PLPP3: variants seen among roughly 807,000 people sequenced by gnomAD.
The protein encoded by PLPP3 is PAP2 beta.
Under a neutral mutation model 29.6 loss-of-function variants are expected in PLPP3, and 6 were observed. The observed-to-expected ratio is 0.20, with a 90% CI of 0.11 to 0.40. The LOEUF is 0.40. PLPP3 is among the 10% of genes least tolerant of loss of function. The pLI is 1.00. For synonymous variants in PLPP3, 152 were observed against 159.7 expected (o/e 0.95, Z 0.36); for missense variants, 308 against 407.7 (o/e 0.76, Z 2.11).
chr1:56,533,886 A>G (rs1438483077), intron 2 of PLPP3, among the ~76,000 whole-genome samples: 1 of 151,914 alleles, frequency 6.6e-6, no homozygotes, highest in Non-Finnish European at 1.5e-5. Context: ...CCTAAGTTTG[A>G]CTTTTTCTCT....
At chr1:56,516,292 T>C (rs1645780175) in intron 4 of PLPP3, among the ~76,000 whole-genome samples, 1 of 152,136 alleles carries the variant, frequency 6.6e-6, no homozygotes, top group African/African-American at 2.4e-5. Context: ...TGGGCCTCAC[T>C]AGGATCAGTG....
intron 1 of PLPP3, among the ~76,000 whole-genome samples, chr1:56,562,460 A>G (rs1378277277): frequency 6.6e-6 from 1 of 152,198 alleles, no homozygotes; most frequent in Non-Finnish European, 1.5e-5. Flanking sequence ...ATGTGCCTAA[A>G]ATGCAGTCGA....
At chr1:56,530,709 C>A (rs975067334) in intron 2 of PLPP3, among the ~76,000 whole-genome samples, 1 of 152,212 alleles carries the variant, frequency 6.6e-6, no homozygotes, top group Admixed American at 6.5e-5. Context: ...TTAAAATACT[C>A]TCATCAACCT....
At chr1:56,571,568 G>T (rs1046000468) in intron 1 of PLPP3, among the ~76,000 whole-genome samples, 5 of 152,104 alleles carry the variant, frequency 3.3e-5, no homozygotes, top group African/African-American at 4.8e-5. Flanking sequence ...AAATTCTAAA[G>T]ATTCCATGAA....
At chr1:56,499,933 T>C (rs1487997792) in intron 5 of PLPP3, among the ~76,000 whole-genome samples, 1 of 152,094 alleles carries the variant, frequency 6.6e-6, no homozygotes, top group African/African-American at 2.4e-5. Context: ...GTCTGTGGGA[T>C]AAACCCACTG....
At position 56,524,493 on chromosome 1, in the gene PLPP3, T is replaced by G; in HGVS notation, c.359A>C (p.Asn120Thr). Reference protein sequence around the residue: ...YLKKSRSTIQNPYVAALYKQV... With the variant: ...YLKKSRSTIQTPYVAALYKQV... ...CTTATAGAGTGCTGCCACGTAGGGG[T>G]TCTGAATCGTCGACCGCGACTTCTT... The change falls in exon 3 of 6, where the codon AAC becomes ACC. Residue 120 changes from asparagine (N) to threonine (T), a missense_variant. Physicochemically the swap from Asn to Thr is moderately conservative, Grantham distance 65. Transcript: ENST00000371250. This position sits in a 1 kb window ranked among gnomAD's most constrained non-coding sequence, Gnocchi z 4.3. 6.2e-7 allele frequency: 1 copy of G among 1,613,438 alleles called. No individual in the cohort carries two copies. The highest frequency in any genetic ancestry group is 8.5e-7 in the Non-Finnish European group (1 of 1,179,464).
chr1:56,526,983 C>T (rs180968886), intron 2 of PLPP3, among the ~76,000 whole-genome samples: 1 of 152,302 alleles, frequency 6.6e-6, no homozygotes, highest in East Asian at 1.9e-4. Flanking sequence ...GATCAGTCAA[C>T]ACGATTTCCT....
At chr1:56,501,412 G>A (rs1645667155) in intron 5 of PLPP3, among the ~76,000 whole-genome samples, 1 of 152,076 alleles carries the variant, frequency 6.6e-6, no homozygotes, top group Non-Finnish European at 1.5e-5. Context: ...GTGGCATGTA[G>A]TACTGTATAG....
At chr1:56,561,851 A>T (rs1239640727) in intron 1 of PLPP3, among the ~76,000 whole-genome samples, 4 of 151,962 alleles carry the variant, frequency 2.6e-5, no homozygotes, top group Non-Finnish European at 5.9e-5. Flanking sequence ...CCTGGGCAAC[A>T]TGGTGAAACC....
intron 4 of PLPP3, among the ~76,000 whole-genome samples, chr1:56,517,373 T>C (rs138068924): frequency 1.4e-4 from 22 of 152,382 alleles, no homozygotes; most frequent in Admixed American, 4.6e-4. Flanking sequence ...GAATTTTCGA[T>C]TGACTTTTCC....
chr1:56,557,008 A>AAGAAAGAAAGAAAGAAAGAAAGAG (rs1553139323), intron 1 of PLPP3, among the ~76,000 whole-genome samples: 2 of 13,746 alleles, frequency 1.5e-4, no homozygotes, highest in African/African-American at 4.5e-4. Flanking sequence ...GAAAGAAAGA[A>AAGAAAGAAAGAAAGAAAGAAAGAG]AGAGAGAGAG....
chr1:56,510,827 CA>C (rs1557498810), intron 5 of PLPP3, among the ~76,000 whole-genome samples: 2 of 152,164 alleles, frequency 1.3e-5, no homozygotes, highest in African/African-American at 4.8e-5. Context: ...ATATATATTA[CA>C]CATGGTCCCT....
intron 5 of PLPP3, among the ~76,000 whole-genome samples, chr1:56,501,186 G>A (rs745692869): frequency 4.2e-4 from 64 of 152,252 alleles, no homozygotes; most frequent in Non-Finnish European, 6.9e-4. Flanking sequence ...TTGAGGACAG[G>A]ACTGCAGCTG....
At chr1:56,547,170 C>A (rs574764560) in intron 1 of PLPP3, among the ~76,000 whole-genome samples, 1 of 152,266 alleles carries the variant, frequency 6.6e-6, no homozygotes, top group African/African-American at 2.4e-5. Context: ...TGTCTAACAT[C>A]ATAATTATTC....
chr1:56,532,106 AGT>A (rs1645893181), intron 2 of PLPP3, among the ~76,000 whole-genome samples: 1 of 152,202 alleles, frequency 6.6e-6, no homozygotes, highest in Non-Finnish European at 1.5e-5. Flanking sequence ...CATGAGAGTG[AGT>A]GTGGGTGGTG....
intron 1 of PLPP3, among the ~76,000 whole-genome samples, chr1:56,537,408 A>G (rs1645935560): frequency 6.6e-6 from 1 of 152,048 alleles, no homozygotes; most frequent in Admixed American, 6.6e-5. Flanking sequence ...GTTCTACAAT[A>G]CCCTGCTAAA....
Position 56,537,121 on chromosome 1 carries a change from G to C in PLPP3, c.140-9C>G, listed in dbSNP as rs1645932999. 1.2e-6 allele frequency: 2 copies of C among 1,612,976 alleles called. No individual in the cohort carries two copies. The highest frequency in any genetic ancestry group is 2.2e-5 in the East Asian group (1 of 44,826). On this transcript the variant is annotated splice_polypyrimidine_tract_variant and intron_variant, in intron 1 of 5. Transcript: ENST00000371250. ...GAGGAAGGGGAGGCCCGCTGGTCCA[G>C]GTGGAACCATGGCATATACCAGAAA... is the stretch of plus-strand genomic sequence containing the variant.
At position 56,496,378 on chromosome 1, in the gene PLPP3, G is replaced by T; in HGVS notation, c.*173C>A. ...TTAGTTTGCTGTTGTTTCCACATAG[G>T]CAAACACTACCTATTTTGGAAGGCC... On this transcript the variant is annotated 3_prime_UTR_variant, in exon 6 of 6. Transcript: ENST00000371250. 1.5e-6 allele frequency: 1 copy of T among 676,198 alleles called. No homozygotes were observed. 41.9% of individuals were successfully genotyped at this position (676,198 alleles called of 1,614,324 possible).
At chr1:56,571,140 C>T (rs1646195024) in intron 1 of PLPP3, among the ~76,000 whole-genome samples, 1 of 152,204 alleles carries the variant, frequency 6.6e-6, no homozygotes, top group South Asian at 2.1e-4. Flanking sequence ...AAAGGCAAGA[C>T]CTTGGTTCTA....
Sources: allele counts gnomAD v4.1 joint callset (sites outside exome capture counted in the v4.1 genomes callset), GRCh38; gene constraint gnomAD v4.1.1; non-coding constraint Gnocchi (gnomAD v3.1); transcripts MANE v1.5; gene names NCBI Gene and HGNC (gene_info 2026-07-23, HGNC 2026-07-21).